Variants in VPS37C observed in about 807,000 individuals in gnomAD.
VPS37C encodes vacuolar protein sorting-associated protein 37C.
Under a neutral mutation model 16.1 loss-of-function variants are expected in VPS37C, and 9 were observed. The ratio of observed to expected loss-of-function variants is 0.56; its 90% CI spans 0.34 to 0.97. The LOEUF is 0.97. VPS37C is among the 50% of genes least tolerant of loss of function. VPS37C has a pLI of 0.02. For missense variants in VPS37C, 479 were observed against 472.7 expected, an observed-to-expected ratio of 1.01 and a Z score of -0.12; for synonymous variants, 207 against 206.4, an observed-to-expected ratio of 1.00 and a Z score of -0.02.
At position 61,147,975 on chromosome 11, in the gene VPS37C, T is replaced by G. The variant is rs145726209; in HGVS notation, c.-6-9140A>C. 2.3e-3 allele frequency among the ~76,000 whole-genome samples: 357 copies of G among 152,306 alleles called. 1 individual carries two copies. The highest frequency in any genetic ancestry group is 4.2e-3 in the Non-Finnish European group (283 of 68,012). Reference sequence around the variant, plus strand: ...TCAAGTCCTTTAACCTTGGTTTCCTTAATGGGGCACCATGATGATAATCCC... The same window carrying G: ...TCAAGTCCTTTAACCTTGGTTTCCTGAATGGGGCACCATGATGATAATCCC... On this transcript the variant is annotated intron_variant, in intron 1 of 4. Transcript: ENST00000301765.
At chr11:61,142,975 T>TAAAAAAAAAAAAAAAAAAAAAAAACA in intron 1 of VPS37C, among the ~76,000 whole-genome samples, 3 of 47,576 alleles carry the variant, frequency 6.3e-5, no homozygotes, top group Non-Finnish European at 8.4e-5. Flanking sequence ...AAAGAATAGC[T>TAAAAAAAAAAAAAAAAAAAAAAAACA]AAAAAAAAAA....
In VPS37C at chr11:61,138,469, T is replaced by A. The variant is rs531294703; in HGVS notation, c.93+268A>T. 4.2e-5 allele frequency: 18 copies of A among 431,530 alleles called. 1 individual carries two copies. In the South Asian group the frequency reaches 5.2e-4, roughly 13 times the overall value. 26.7% of individuals were successfully genotyped at this position (431,530 alleles called of 1,614,324 possible). On this transcript the variant is annotated intron_variant, in intron 2 of 4. Transcript: ENST00000301765. The stretch of plus-strand genomic sequence containing the variant: ...AGTGCTTTGAGGAGCTGCCTCCAGA[T>A]TTGGGCTGGAACGACAGTGTGGGGA...
intron 1 of VPS37C, among the ~76,000 whole-genome samples, chr11:61,155,640 A>G (rs1032181716): frequency 6.6e-6 from 1 of 152,214 alleles, no homozygotes; most frequent in African/African-American, 2.4e-5. Flanking sequence ...AATGCCTTCC[A>G]AAAACAAAGC....
intron 1 of VPS37C, among the ~76,000 whole-genome samples, chr11:61,153,330 C>G (rs1427357321): frequency 6.6e-6 from 1 of 152,220 alleles, no homozygotes; most frequent in Admixed American, 6.5e-5. Flanking sequence ...AAGACGAACG[C>G]ACTTCACCTT....
At chr11:61,137,159 C>T (rs188972395) in intron 2 of VPS37C, among the ~76,000 whole-genome samples, 11 of 152,282 alleles carry the variant, frequency 7.2e-5, no homozygotes, top group South Asian at 4.2e-4. Flanking sequence ...CTCTTCTACA[C>T]GGAGAGAGCC....
intron 1 of VPS37C, among the ~76,000 whole-genome samples, 165 bp from the exon 2 acceptor site, chr11:61,139,000 C>T (rs78916497): frequency 0.014 from 2,127 of 152,284 alleles, 56 homozygotes; most frequent in African/African-American, 0.049. Flanking sequence ...CACATTCCTG[C>T]GGCTCAGCCC....
At chr11:61,140,996 T>C (rs610777) in intron 1 of VPS37C, among the ~76,000 whole-genome samples, 87,024 of 152,074 alleles carry the variant, frequency 0.57, 25,765 homozygotes, top group East Asian at 0.99. Context: ...GGCTCATTTG[T>C]GGCCAGGAGG....
Position 61,134,186 on chromosome 11 carries a change from G to T in VPS37C, c.115C>A (p.Arg39=). Residue 39 remains arginine (R), a synonymous_variant, in exon 3 of 5, where the codon CGG becomes AGG. Transcript: ENST00000301765. The part of the protein sequence containing the change: ...SPEVQDLQLE[R]EMALATNRSL... The stretch of plus-strand genomic sequence containing the variant: ...CGGTTGGTGGCCAGTGCCATCTCCC[G>T]TTCCAGCTGTAGGTCCTGGACCTAA... 1.9e-6 allele frequency: 3 copies of T among 1,613,642 alleles called. No homozygotes were observed. Among genetic ancestry groups the T allele is most frequent in the Non-Finnish European group, 1.7e-6 (2 of 1,179,754 alleles).
intron 1 of VPS37C, among the ~76,000 whole-genome samples, chr11:61,158,939 C>A (rs1255004076): frequency 6.6e-6 from 1 of 152,190 alleles, no homozygotes; most frequent in African/African-American, 2.4e-5. Flanking sequence ...TCGGTAAGCA[C>A]CTGGGAACAG....
intron 2 of VPS37C, among the ~76,000 whole-genome samples, chr11:61,135,219 G>C (rs530888538): frequency 6.6e-5 from 10 of 152,332 alleles, no homozygotes; most frequent in African/African-American, 2.4e-4. Context: ...GGAAGCCCGT[G>C]GGCATTCTGG....
chr11:61,132,151 G>A lies in VPS37C; in HGVS notation c.737C>T (p.Pro246Leu), dbSNP rs552086909. ...FYSGPLGPTY[P>L]AAQLGPRGAA... ...ACCCCTGGGTCCAAGCTGGGCTGCCGGGTAAGTGGGGCCCAGAGGCCCGCT... is the reference window on the plus strand; with the variant it reads ...ACCCCTGGGTCCAAGCTGGGCTGCCAGGTAAGTGGGGCCCAGAGGCCCGCT... Residue 246 changes from proline (P) to leucine (L), a missense_variant, in exon 5 of 5, where the codon CCG becomes CTG. Transcript: ENST00000301765. The A allele has an allele frequency of 2.4e-5, 35 of 1,454,278 alleles. No individual in the cohort carries two copies. Among genetic ancestry groups the A allele is most frequent in the South Asian group, 1.3e-4 (9 of 67,974 alleles). The allele number at this position is 1,454,278 out of a possible 1,614,324, so 90.1% of individuals were successfully genotyped here. A position where few individuals can be genotyped will look rare whatever the true frequency, so the allele number is the denominator to read the frequency against.
chr11:61,144,868 G>C (rs1853171656), intron 1 of VPS37C: 1 of 152,266 alleles, frequency 6.6e-6, no homozygotes, highest in Non-Finnish European at 1.5e-5. Context: ...CTCTGCTCAT[G>C]GGGCTCCCAT....
At position 61,150,997 on chromosome 11, in the gene VPS37C, G is replaced by A. The variant is rs1455611558; in HGVS notation, c.-7+10394C>T. On this transcript the variant is annotated intron_variant, in intron 1 of 4. Transcript: ENST00000301765. ...TAATCCTCACCGCTCCTAAGCTGCTGTCCATCCTCAGGCTTTTCTCATTTT... is the reference window on the plus strand; with the variant it reads ...TAATCCTCACCGCTCCTAAGCTGCTATCCATCCTCAGGCTTTTCTCATTTT... Among the ~76,000 whole-genome samples, 10 of 152,310 alleles carry A rather than the reference G, an allele frequency of 6.6e-5. No individual in the cohort carries two copies. In the East Asian group the frequency reaches 1.9e-3, roughly 29 times the overall value.
rs1002855039 is a variant in VPS37C, at chr11:61,132,935, C to T, written c.348+320G>A. On this transcript the variant is annotated intron_variant, in intron 4 of 4. Coordinates refer to ENST00000301765, the MANE Select transcript of VPS37C (RefSeq NM_017966.5). Reference sequence around the variant, plus strand: ...TGCCCACAGAGGCTGAAGAGGTGGCCGGAGGGAAGCAGGAAGCAGGGAGAG... The same window carrying T: ...TGCCCACAGAGGCTGAAGAGGTGGCTGGAGGGAAGCAGGAAGCAGGGAGAG... The T allele has an allele frequency of 5.3e-5, 28 of 527,116 alleles. 1 individual carries two copies. Among genetic ancestry groups the T allele is most frequent in the South Asian group, 4.8e-4 (24 of 49,652 alleles). 32.7% of individuals were successfully genotyped at this position (527,116 alleles called of 1,614,324 possible).
At chr11:61,142,835 G>T (rs1165444450) in intron 1 of VPS37C, among the ~76,000 whole-genome samples, 177 of 149,040 alleles carry the variant, frequency 1.2e-3, no homozygotes, top group African/African-American at 3.8e-3. Flanking sequence ...GGGTAGCATT[G>T]GGAGATATAC....
chr11:61,159,593 GAGAC>G (rs1853431385), intron 1 of VPS37C, among the ~76,000 whole-genome samples: 2 of 151,804 alleles, frequency 1.3e-5, no homozygotes, highest in South Asian at 4.2e-4. Flanking sequence ...TCAGGAGTTC[GAGAC>G]CAGCCTGGCC....
chr11:61,158,251 A>G (rs1304650262), intron 1 of VPS37C, among the ~76,000 whole-genome samples: 3 of 152,232 alleles, frequency 2.0e-5, no homozygotes, highest in Non-Finnish European at 4.4e-5. Context: ...TAAAACTACA[A>G]GGGGAAATGG....
At position 61,131,986 on chromosome 11, in the gene VPS37C, G is replaced by A. The variant is rs1861271386; in HGVS notation, c.902C>T (p.Pro301Leu). 7.4e-7 allele frequency: 1 copy of A among 1,346,068 alleles called. No individual in the cohort carries two copies. The highest frequency in any genetic ancestry group is 9.6e-7 in the Non-Finnish European group (1 of 1,043,820). 83.4% of individuals were successfully genotyped at this position (1,346,068 alleles called of 1,614,324 possible). A position where few individuals can be genotyped will look rare whatever the true frequency, so the allele number is the denominator to read the frequency against. ...AGGTTTTCCTCCTGTTGCGGGGTAT[G>A]GGGACTGTTGAGGATAACCAGGACT... The part of the protein sequence containing the change: ...APSPGYPQQS[P>L]YPATGGKPPY... The change falls in exon 5 of 5, where the codon CCA becomes CTA. Residue 301 changes from proline to leucine, a missense_variant. By Grantham distance (98) the Pro-to-Leu change is moderately conservative. Transcript: ENST00000301765.
chr11:61,151,448 G>A (rs1331339825), intron 1 of VPS37C, among the ~76,000 whole-genome samples: 2 of 152,222 alleles, frequency 1.3e-5, no homozygotes, highest in African/African-American at 2.4e-5. Context: ...CTCTGAATCT[G>A]TAAGGCAGAC....
Sources: gnomAD v4.1 joint callset for allele counts (sites outside exome capture counted in the v4.1 genomes callset) on GRCh38, gnomAD v4.1.1 for gene constraint, MANE v1.5 for transcripts, NCBI Gene and HGNC (gene_info 2026-07-23, HGNC 2026-07-21) for gene names.